Variants in XPO1 observed in about 807,000 individuals in gnomAD.
The protein encoded by XPO1 is exportin 1, also known as exportin-1.
In XPO1, 5 loss-of-function variants were observed where a neutral mutation model predicts 133.3. That is an observed-to-expected ratio of 0.04 (90% CI 0.02 to 0.08). The LOEUF is 0.08. XPO1 is among the 10% of genes least tolerant of loss of function. The pLI, the probability that XPO1 is intolerant of heterozygous loss-of-function variation, is 1.00. For synonymous variants in XPO1, 419 were observed against 408.2 expected, an observed-to-expected ratio of 1.03 and a Z score of -0.32; for missense variants, 506 against 1,267.5, an observed-to-expected ratio of 0.40 and a Z score of 9.12.
intron 4 of XPO1, among the ~76,000 whole-genome samples, chr2:61,515,736 A>G (rs2104670368): frequency 6.6e-6 from 1 of 152,208 alleles, no homozygotes; most frequent in Admixed American, 6.6e-5. Context: ...TTGGTCTGCC[A>G]ACTAAAGACA....
intron 2 of XPO1, among the ~76,000 whole-genome samples, chr2:61,530,904 G>A (rs1183750898): frequency 6.6e-6 from 1 of 151,986 alleles, no homozygotes; most frequent in East Asian, 1.9e-4. Context: ...ACTGCTAAAT[G>A]TACCCTTTAA....
rs572388188 is a variant in XPO1, at chr2:61,522,352, A to G, written c.301+259T>C. 9.2e-5 allele frequency among the ~76,000 whole-genome samples: 14 copies of G among 152,312 alleles called. No individual in the cohort carries two copies. In the South Asian group the frequency reaches 2.9e-3, roughly 32 times the overall value. On this transcript the variant is annotated intron_variant, in intron 4 of 24. Transcript: ENST00000401558. ...GATTACAGGCGTGGGCCACTGTGCC[A>G]TAGCCCATATTTTTAACTAGAATAT...
In XPO1 at chr2:61,538,146, C is replaced by G. The variant is rs1699439557; in HGVS notation, c.-591G>C. ...TGGGTGGTTGCACGGACTGCAGCAG[C>G]AAAGACTGGAACAGGCACCGCCGCC... On this transcript the variant is annotated 5_prime_UTR_variant, in exon 1 of 25. Coordinates refer to ENST00000401558, the MANE Select transcript of XPO1 (RefSeq NM_003400.4). 2 of 213,192 alleles carry G rather than the reference C, an allele frequency of 9.4e-6. No homozygotes were observed. Among genetic ancestry groups the G allele is most frequent in the East Asian group, 1.9e-4 (2 of 10,382 alleles). 13.2% of individuals were successfully genotyped at this position (213,192 alleles called of 1,614,324 possible).
Position 61,491,289 on chromosome 2 carries a change from C to A in XPO1, c.1888-513G>T, listed in dbSNP as rs570283475. Among the ~76,000 whole-genome samples, 6 of 151,742 alleles carry A rather than the reference C, an allele frequency of 4.0e-5. No individual in the cohort carries two copies. In the East Asian group the frequency reaches 1.2e-3, roughly 30 times the overall value. ...GAGCCTGACCAACATGGAGAAACCC[C>A]GTCTCTACTAAAAATAAAAAAATTA... On this transcript the variant is annotated intron_variant, in intron 16 of 24. Transcript: ENST00000401558.
At chr2:61,536,547 AAAAC>A (rs1481678998) in intron 1 of XPO1, 5 of 152,290 alleles carry the variant, frequency 3.3e-5, no homozygotes, top group Non-Finnish European at 7.3e-5. Context: ...CACTAGGTGA[AAAAC>A]AAGTCGCTAC....
chr2:61,514,525 A>C (rs1698262020), intron 4 of XPO1, among the ~76,000 whole-genome samples: 1 of 151,564 alleles, frequency 6.6e-6, no homozygotes, highest in Admixed American at 6.6e-5. Flanking sequence ...CCCGGGAAAC[A>C]GAGGTTGCAG....
chr2:61,505,258 G>T (rs1307811493), intron 4 of XPO1, among the ~76,000 whole-genome samples: 1 of 152,138 alleles, frequency 6.6e-6, no homozygotes, highest in Non-Finnish European at 1.5e-5. Context: ...CACATTTTAT[G>T]TTGGGATTAC....
At chr2:61,506,668 C>CA (rs1168149130) in intron 4 of XPO1, among the ~76,000 whole-genome samples, 1 of 149,784 alleles carries the variant, frequency 6.7e-6, no homozygotes, top group African/African-American at 2.5e-5. Flanking sequence ...GCCTGGGCGA[C>CA]AGAGTGAGAC....
At chr2:61,499,653 A>G (rs1409351133) in intron 7 of XPO1, 60 bp downstream of exon 7, 2 of 1,450,830 alleles carry the variant, frequency 1.4e-6, no homozygotes, top group Non-Finnish European at 1.8e-6. Flanking sequence ...ATTTACATCC[A>G]AACTGCTTGA....
chr2:61,518,658 GAA>G (rs1193209275), intron 4 of XPO1, among the ~76,000 whole-genome samples: 2 of 151,436 alleles, frequency 1.3e-5, no homozygotes, highest in African/African-American at 4.8e-5. Flanking sequence ...AAAAACCAAA[GAA>G]AAAAAGACAC....
chr2:61,532,150 C>T (rs1352686071), intron 2 of XPO1, among the ~76,000 whole-genome samples: 2 of 152,054 alleles, frequency 1.3e-5, no homozygotes, highest in East Asian at 3.9e-4. Flanking sequence ...ATTTTTGAGA[C>T]GAAGTCTCAT....
chr2:61,525,902 C>G lies in XPO1; in HGVS notation c.228+518G>C, dbSNP rs1043045849. The G allele has an allele frequency of 2.9e-6, 3 of 1,047,738 alleles. No individual in the cohort carries two copies. In the African/African-American group the frequency reaches 5.0e-5, roughly 17 times the overall value. 64.9% of individuals were successfully genotyped at this position (1,047,738 alleles called of 1,614,324 possible). ...GAAGCGTGAATCATCAAGCCTAAAA[C>G]AGACAAAACACATTTTGATCAACCC... is the stretch of plus-strand genomic sequence containing the variant. On this transcript the variant is annotated intron_variant, in intron 3 of 24. Coordinates refer to ENST00000401558, the MANE Select transcript of XPO1 (RefSeq NM_003400.4).
intron 4 of XPO1, among the ~76,000 whole-genome samples, chr2:61,518,791 CACTT>C (rs1039349565): frequency 9.2e-5 from 14 of 152,154 alleles, no homozygotes; most frequent in Non-Finnish European, 1.2e-4. Flanking sequence ...AATAGACACA[CACTT>C]ACGGCCTAAA....
chr2:61,488,416 G>A lies in XPO1; in HGVS notation c.2207-145C>T, dbSNP rs139784083. 1.3e-3 allele frequency: 1,499 copies of A among 1,187,676 alleles called. 18 individuals carry two copies. In the African/African-American group the frequency reaches 0.021, roughly 17 times the overall value. The allele number at this position is 1,187,676 out of a possible 1,614,324, so 73.6% of individuals were successfully genotyped here. A position where few individuals can be genotyped will look rare whatever the true frequency, so the allele number is the denominator to read the frequency against. ...AATTTATTGGGAAAATAAGCTTTAA[G>A]ACTAATTTTAAAAGGGAAAGGTACA... On this transcript the variant is annotated intron_variant, in intron 18 of 24. Transcript: ENST00000401558.
At chr2:61,485,299 A>C (rs1696626154) in intron 20 of XPO1, 1 of 153,076 alleles carries the variant, frequency 6.5e-6, no homozygotes, top group Non-Finnish European at 1.5e-5. Flanking sequence ...TACGTTCATA[A>C]AAGGATGCCC....
intron 3 of XPO1, chr2:61,525,343 G>T: frequency 1.0e-6 from 1 of 987,696 alleles, no homozygotes; most frequent in Non-Finnish European, 1.2e-6. Context: ...CCTATTACAA[G>T]CAATCAACAT....
chr2:61,534,683 AAAACAAAC>A (rs200767588), intron 1 of XPO1: 6 of 152,346 alleles, frequency 3.9e-5, no homozygotes, highest in Non-Finnish European at 8.8e-5. Flanking sequence ...CTCCATCTCA[AAAACAAAC>A]AAACAAAGAC....
rs1491506588 is a variant in XPO1, at chr2:61,482,033, C to CTTTTTTTTTTTTTTTTTTTTTTTTT, written c.2972+346_2972+347insAAAAAAAAAAAAAAAAAAAAAAAAA. 7.8e-4 allele frequency among the ~76,000 whole-genome samples: 68 copies of CTTTTTTTTTTTTTTTTTTTTTTTTT among 86,832 alleles called. 19 individuals carry two copies. Among genetic ancestry groups the CTTTTTTTTTTTTTTTTTTTTTTTTT allele is most frequent in the East Asian group, 1.1e-3 (3 of 2,686 alleles). 57.0% of individuals were successfully genotyped at this position (86,832 alleles called of 152,430 possible). The stretch of plus-strand genomic sequence containing the variant: ...TACAGTCATGAGCCACCGTGCGTGG[C>CTTTTTTTTTTTTTTTTTTTTTTTTT]CTTTTTTTTTTTTTTTTTTTTTTTG... On this transcript the variant is annotated intron_variant, in intron 23 of 24. Coordinates refer to ENST00000401558, the MANE Select transcript of XPO1 (RefSeq NM_003400.4).
At chr2:61,489,183 T>C (rs1035198987) in intron 17 of XPO1, among the ~76,000 whole-genome samples, 2 of 150,656 alleles carry the variant, frequency 1.3e-5, no homozygotes, top group African/African-American at 4.9e-5. Flanking sequence ...GGAGGCTGAG[T>C]CGGGTGCATC....
Sources: gnomAD v4.1 joint callset for allele counts (sites outside exome capture counted in the v4.1 genomes callset) on GRCh38, gnomAD v4.1.1 for gene constraint, MANE v1.5 for transcripts, NCBI Gene and HGNC (gene_info 2026-07-23, HGNC 2026-07-21) for gene names.